Variants in TTC21B observed in about 807,000 individuals in gnomAD.
The protein encoded by TTC21B is tetratricopeptide repeat domain 21B, also known as tetratricopeptide repeat protein 21B.
A neutral mutation model predicts 175.1 loss-of-function variants in TTC21B; 127 were observed. That is an observed-to-expected ratio of 0.73 (90% confidence interval 0.63 to 0.84). The LOEUF is 0.84. TTC21B is among the 40% of genes least tolerant of loss of function. TTC21B has a pLI of 0.00. For missense variants in TTC21B, 1,561 were observed against 1,558.3 expected (o/e 1.00, Z -0.03); for synonymous variants, 524 against 524.5 (o/e 1.00, Z 0.01).
At chr2:165,888,250 CA>C (rs753793776) in intron 25 of TTC21B, 28 bp downstream of exon 25, 4 of 1,509,164 alleles carry the variant, frequency 2.7e-6, no homozygotes, top group Non-Finnish European at 3.7e-6. Context: ...AAAGATACCA[CA>C]TGAAGCTGAA....
intron 19 of TTC21B, among the ~76,000 whole-genome samples, chr2:165,907,197 G>C (rs1685769101): frequency 6.6e-6 from 1 of 151,932 alleles, no homozygotes; most frequent in South Asian, 2.1e-4. Flanking sequence ...CATCTTGATA[G>C]ATGCAGATAG....
At chr2:165,941,315 T>C in intron 5 of TTC21B, 131 bp from the exon 6 acceptor site, 1 of 1,017,458 alleles carries the variant, frequency 9.8e-7, no homozygotes, top group Non-Finnish European at 1.5e-6. Flanking sequence ...CTTTTTAAGT[T>C]TTTGTCAAAA....
intron 22 of TTC21B, among the ~76,000 whole-genome samples, chr2:165,891,329 G>A (rs1685184888): frequency 6.6e-6 from 1 of 152,084 alleles, no homozygotes; most frequent in Non-Finnish European, 1.5e-5. Context: ...CAGGAATACC[G>A]ATTTAATTGC....
In TTC21B at chr2:165,914,691, G is replaced by GTGTGTGTGTGTGTGTGTGTGTGTGTC. The variant is rs1245233255; in HGVS notation, c.2138+509_2138+510insGACACACACACACACACACACACACA. ...TGTGTGTGTGTGTGTGTGTGTGTGTGTGTGTGTTGTGTATCCCAATAACTC... is the reference window on the plus strand; with the variant it reads ...TGTGTGTGTGTGTGTGTGTGTGTGTGTGTGTGTGTGTGTGTGTGTGTGTGTCTGTGTGTTGTGTATCCCAATAACTC... On this transcript the variant is annotated intron_variant, in intron 15 of 28. Coordinates refer to ENST00000243344, the MANE Select transcript of TTC21B (RefSeq NM_024753.5). 2.3e-3 allele frequency among the ~76,000 whole-genome samples: 337 copies of GTGTGTGTGTGTGTGTGTGTGTGTGTC among 148,340 alleles called. 4 individuals carry two copies. The highest frequency in any genetic ancestry group is 8.1e-3 in the African/African-American group (311 of 38,428).
intron 12 of TTC21B, among the ~76,000 whole-genome samples, chr2:165,921,949 A>C (rs1476872206): frequency 6.6e-6 from 1 of 152,006 alleles, no homozygotes; most frequent in Admixed American, 6.6e-5. Flanking sequence ...CCCAATGTAC[A>C]TAGTCTTTTA....
At chr2:165,883,671 TA>T in intron 26 of TTC21B, 122 bp downstream of exon 26, 1 of 787,008 alleles carries the variant, frequency 1.3e-6, no homozygotes, top group Non-Finnish European at 2.1e-6. Flanking sequence ...GTGGTAAGAA[TA>T]AACATTTAAT....
At chr2:165,936,696 C>T (rs1443795534) in intron 6 of TTC21B, among the ~76,000 whole-genome samples, 1 of 151,980 alleles carries the variant, frequency 6.6e-6, no homozygotes. Flanking sequence ...AAAAATGCTC[C>T]ACATCATGTC....
At chr2:165,930,786 T>C (rs796435583) in intron 8 of TTC21B, among the ~76,000 whole-genome samples, 2 of 135,478 alleles carry the variant, frequency 1.5e-5, no homozygotes, top group Non-Finnish European at 3.4e-5. Flanking sequence ...GTATGCTTTT[T>C]CTTATTGAAT....
intron 24 of TTC21B, 67 bp downstream of exon 24, chr2:165,890,411 TA>T (rs1685145948): frequency 6.8e-7 from 1 of 1,471,052 alleles, no homozygotes; most frequent in Non-Finnish European, 9.5e-7. Context: ...AGTTCTTTTG[TA>T]TAGTATCCCT....
intron 15 of TTC21B, among the ~76,000 whole-genome samples, chr2:165,914,696 TG>T (rs1686095517): frequency 7.0e-6 from 1 of 143,038 alleles, no homozygotes; most frequent in Admixed American, 6.7e-5. Context: ...TGTGTGTGTG[TG>T]TTGTGTATCC....
chr2:165,878,239 T>C (rs1398492652), intron 27 of TTC21B, among the ~76,000 whole-genome samples: 1 of 152,166 alleles, frequency 6.6e-6, no homozygotes, highest in Non-Finnish European at 1.5e-5. Flanking sequence ...ATACATGACC[T>C]GGTACAAAAA....
rs1559051529 is a variant in TTC21B at position 165,907,659 on chromosome 2, CACAG to C, written c.2568+15_2568+18del. On this transcript the variant is annotated intron_variant, in intron 19 of 28. Coordinates refer to ENST00000243344, the MANE Select transcript of TTC21B (RefSeq NM_024753.5). The stretch of plus-strand genomic sequence containing the variant: ...CCATCTCCTACCTCATGACCACACT[CACAG>C]ACAAATGTGTTTACCTGTTGTAATG... The C allele has an allele frequency of 6.5e-7, 1 of 1,537,922 alleles. No homozygotes were observed. Among genetic ancestry groups the C allele is most frequent in the South Asian group, 1.1e-5 (1 of 89,646 alleles).
Position 165,874,834 on chromosome 2 carries a change from T to C in TTC21B, c.3874-2A>G. The C allele has an allele frequency of 6.2e-7, 1 of 1,613,340 alleles. No individual in the cohort carries two copies. Among genetic ancestry groups the C allele is most frequent in the African/African-American group, 1.3e-5 (1 of 75,024 alleles). On this transcript the variant is annotated splice_acceptor_variant, in intron 28 of 28. Coordinates refer to ENST00000243344, the MANE Select transcript of TTC21B (RefSeq NM_024753.5). LOFTEE classifies it high-confidence loss of function. ...ATAAGTTGGATGTGCTTCAAGAACCTGCAAAACAAATAAAGAACCCATAAA... is the reference window on the plus strand; with the variant it reads ...ATAAGTTGGATGTGCTTCAAGAACCCGCAAAACAAATAAAGAACCCATAAA...
Position 165,914,684 on chromosome 2 carries a change from T to TGTGTGTGTGTGTGTGTGTGCGCGCGCGC in TTC21B, c.2138+516_2138+517insGCGCGCGCGCACACACACACACACACAC, listed in dbSNP as rs1559056051. On this transcript the variant is annotated intron_variant, in intron 15 of 28. Coordinates refer to ENST00000243344, the MANE Select transcript of TTC21B (RefSeq NM_024753.5). The stretch of plus-strand genomic sequence containing the variant: ...GTGTGTGTGTGTGTGTGTGTGTGTG[T>TGTGTGTGTGTGTGTGTGTGCGCGCGCGC]GTGTGTGTGTGTGTTGTGTATCCCA... Among the ~76,000 whole-genome samples, 7 of 151,092 alleles carry TGTGTGTGTGTGTGTGTGTGCGCGCGCGC rather than the reference T, an allele frequency of 4.6e-5. 1 individual carries two copies. Among genetic ancestry groups the TGTGTGTGTGTGTGTGTGTGCGCGCGCGC allele is most frequent in the African/African-American group, 1.7e-4 (7 of 41,136 alleles).
In TTC21B at chr2:165,917,388, T is replaced by C. The variant is rs777733112; in HGVS notation, c.1768A>G (p.Met590Val). The C allele has an allele frequency of 6.8e-6, 11 of 1,614,096 alleles. No individual in the cohort carries two copies. The highest frequency in any genetic ancestry group is 2.7e-5 in the African/African-American group (2 of 74,950). ...ADAIKTLHMA[M>V]SLPGMKRIGA... ...ATTCTTTTCATTCCTGGTAAACTCATTGCCATATGCAGTGTTTTAATTGCG... is the reference window on the plus strand; with the variant it reads ...ATTCTTTTCATTCCTGGTAAACTCACTGCCATATGCAGTGTTTTAATTGCG... The change falls in exon 14 of 29, where the codon ATG becomes GTG. Residue 590 changes from methionine to valine, a missense_variant. Coordinates refer to ENST00000243344, the MANE Select transcript of TTC21B (RefSeq NM_024753.5).
At chr2:165,910,636 T>C (rs1359316782) in intron 18 of TTC21B, among the ~76,000 whole-genome samples, 5 of 152,086 alleles carry the variant, frequency 3.3e-5, no homozygotes, top group East Asian at 1.9e-4. Context: ...AATTAAGTAA[T>C]TTATTGGTGT....
Position 165,927,320 on chromosome 2 carries a change from AAT to A in TTC21B, c.1386+1813_1386+1814del, listed in dbSNP as rs1222358893. Among the ~76,000 whole-genome samples, 136 of 54,296 alleles carry A rather than the reference AAT, an allele frequency of 2.5e-3. 7 individuals carry two copies. Among genetic ancestry groups the A allele is most frequent in the African/African-American group, 6.2e-3 (126 of 20,364 alleles). The allele number at this position is 54,296 out of a possible 152,430, so 35.6% of individuals were successfully genotyped here. On this transcript the variant is annotated intron_variant, in intron 11 of 28. Coordinates refer to ENST00000243344, the MANE Select transcript of TTC21B (RefSeq NM_024753.5). ...TATATATATATATTATATATTATAT[AAT>A]ATATATATAATATATAATATATATA...
chr2:165,924,475 G>T, intron 12 of TTC21B, 74 bp downstream of exon 12: 1 of 1,431,086 alleles, frequency 7.0e-7, no homozygotes, highest in Non-Finnish European at 9.7e-7. Context: ...TATATACACA[G>T]TGCTTAATTT....
chr2:165,923,808 T>G (rs1242236328), intron 12 of TTC21B, among the ~76,000 whole-genome samples: 3 of 145,738 alleles, frequency 2.1e-5, no homozygotes, highest in Admixed American at 1.4e-4. Flanking sequence ...TGGAGTGCAG[T>G]GGCGTGATCC....
Sources: gnomAD v4.1 joint callset for allele counts (sites outside exome capture counted in the v4.1 genomes callset) on GRCh38, gnomAD v4.1.1 for gene constraint, MANE v1.5 for transcripts, NCBI Gene and HGNC (gene_info 2026-07-23, HGNC 2026-07-21) for gene names.